Variants in ANKS1B observed in about 807,000 individuals in gnomAD.
The protein encoded by ANKS1B is ankyrin repeat and sterile alpha motif domain-containing protein 1B.
In ANKS1B, 36 loss-of-function variants were observed where a neutral mutation model predicts 148.3. The ratio of observed to expected loss-of-function variants is 0.24; its 90% CI spans 0.19 to 0.32. The LOEUF is 0.32. Ranked by LOEUF, ANKS1B falls within the 10% of genes least tolerant of loss-of-function variation. ANKS1B has a pLI of 1.00. For synonymous variants in ANKS1B, 542 were observed against 560.8 expected, an observed-to-expected ratio of 0.97 and a Z score of 0.47; for missense variants, 1,157 against 1,542.6, an observed-to-expected ratio of 0.75 and a Z score of 4.19.
intron 12 of ANKS1B, among the ~76,000 whole-genome samples, chr12:99,281,927 A>G (rs1037945746): frequency 5.3e-5 from 8 of 152,236 alleles, no homozygotes; most frequent in African/African-American, 1.9e-4. Flanking sequence ...AGTCTAATAC[A>G]TAACAGCCAC....
chr12:99,649,138 G>A (rs1045557898), intron 9 of ANKS1B: 10 of 678,634 alleles, frequency 1.5e-5, no homozygotes, highest in Admixed American at 7.2e-5. Flanking sequence ...GTTGTAGGAC[G>A]TGTCTCCCTG....
chr12:99,305,700 A>G (rs943011997), intron 12 of ANKS1B, among the ~76,000 whole-genome samples: 1 of 152,142 alleles, frequency 6.6e-6, no homozygotes, highest in Middle Eastern at 3.2e-3. Flanking sequence ...TATACATAGC[A>G]ATGGTCAAGA....
At chr12:99,920,680 T>C (rs892802675) in intron 1 of ANKS1B, among the ~76,000 whole-genome samples, 31 of 152,026 alleles carry the variant, frequency 2.0e-4, no homozygotes, top group African/African-American at 7.5e-4. Context: ...GCCTGAGAAC[T>C]AGGGAGGCTG....
At chr12:99,134,645 T>TCA (rs4016023) in intron 15 of ANKS1B, among the ~76,000 whole-genome samples, 2,047 of 104,908 alleles carry the variant, frequency 0.02, 38 homozygotes, top group Non-Finnish European at 0.031. Flanking sequence ...TCTCTCTCTC[T>TCA]CACACACACA....
At chr12:99,783,783 T>C (rs2064650173) in intron 4 of ANKS1B, among the ~76,000 whole-genome samples, 1 of 152,036 alleles carries the variant, frequency 6.6e-6, no homozygotes, top group Non-Finnish European at 1.5e-5. Context: ...AAATTACAGC[T>C]ATATAGGAGG....
intron 9 of ANKS1B, among the ~76,000 whole-genome samples, chr12:99,639,712 A>G (rs1348394731): frequency 6.6e-6 from 1 of 152,176 alleles, no homozygotes; most frequent in African/African-American, 2.4e-5. Flanking sequence ...CTGCCGCCAT[A>G]TGAAGGATGT....
At chr12:99,356,376 G>A (rs139850858) in intron 12 of ANKS1B, among the ~76,000 whole-genome samples, 88 of 152,208 alleles carry the variant, frequency 5.8e-4, no homozygotes, top group Non-Finnish European at 9.0e-4. Flanking sequence ...CTATGAAATT[G>A]TCCAAAGTGG....
rs78403693 is a variant in ANKS1B, at chr12:99,608,432, A to G, written c.1272+46635T>C. Among the ~76,000 whole-genome samples the G allele has an allele frequency of 2.9e-3, 445 of 152,230 alleles. 6 individuals carry two copies. The highest frequency in any genetic ancestry group is 0.01 in the African/African-American group (425 of 41,550). On this transcript the variant is annotated intron_variant, in intron 9 of 26. Transcript: ENST00000683438. The stretch of plus-strand genomic sequence containing the variant: ...AAAGAGGATGGAAACAAGATATAAT[A>G]CCTGTGAATTTGGAAAACTGGAGTT...
intron 14 of ANKS1B, among the ~76,000 whole-genome samples, chr12:99,223,968 TTAGTGG>T (rs2153941374): frequency 6.6e-6 from 1 of 152,330 alleles, no homozygotes; most frequent in African/African-American, 2.4e-5. Flanking sequence ...CCTGTTTTTA[TTAGTGG>T]GGAAAACTCT....
chr12:99,106,332 A>G (rs1420173472), intron 15 of ANKS1B, among the ~76,000 whole-genome samples: 1 of 152,256 alleles, frequency 6.6e-6, no homozygotes, highest in Non-Finnish European at 1.5e-5. Flanking sequence ...AAGTTCTCAT[A>G]GCTGAGATGC....
At chr12:99,202,210 T>C (rs188183735) in intron 14 of ANKS1B, among the ~76,000 whole-genome samples, 62 of 152,336 alleles carry the variant, frequency 4.1e-4, no homozygotes, top group Admixed American at 1.1e-3. Flanking sequence ...TTGTAATCAA[T>C]AGGACTATTA....
intron 17 of ANKS1B, among the ~76,000 whole-genome samples, chr12:98,925,977 T>G (rs1028459837): frequency 6.6e-6 from 1 of 152,102 alleles, no homozygotes; most frequent in Non-Finnish European, 1.5e-5. Flanking sequence ...CAGGAAAGAC[T>G]GGATAATGAG....
intron 1 of ANKS1B, among the ~76,000 whole-genome samples, chr12:99,855,600 C>A (rs1385552833): frequency 6.6e-6 from 1 of 152,088 alleles, no homozygotes; most frequent in East Asian, 1.9e-4. Flanking sequence ...GCAACAACTG[C>A]AAAATATACA....
chr12:99,959,050 C>A (rs1603502301), intron 1 of ANKS1B, among the ~76,000 whole-genome samples: 2 of 136,086 alleles, frequency 1.5e-5, no homozygotes, highest in Non-Finnish European at 3.1e-5. Context: ...AACCAAAGAA[C>A]ATGCTTTTTT....
At chr12:99,371,024 GT>G (rs960186199) in intron 12 of ANKS1B, among the ~76,000 whole-genome samples, 5 of 150,400 alleles carry the variant, frequency 3.3e-5, no homozygotes, top group Admixed American at 2.0e-4. Flanking sequence ...TTTCTGTTTT[GT>G]TTTTTTTTCT....
chr12:98,932,015 G>A (rs1597149303), intron 17 of ANKS1B, among the ~76,000 whole-genome samples: 1 of 152,204 alleles, frequency 6.6e-6, no homozygotes, highest in East Asian at 1.9e-4. Flanking sequence ...GTCCCATGGT[G>A]GAAGAAACCT....
intron 1 of ANKS1B, among the ~76,000 whole-genome samples, chr12:99,830,163 A>G (rs1326141858): frequency 1.3e-5 from 2 of 152,202 alleles, no homozygotes; most frequent in Non-Finnish European, 2.9e-5. Context: ...CAAGTCCAAG[A>G]ATCAAACAAA....
intron 12 of ANKS1B, among the ~76,000 whole-genome samples, chr12:99,373,568 A>G (rs1007443351): frequency 1.1e-4 from 17 of 151,948 alleles, no homozygotes; most frequent in African/African-American, 3.9e-4. Flanking sequence ...AAAGGCTGAA[A>G]TTTTTTCCAG....
intron 17 of ANKS1B, among the ~76,000 whole-genome samples, chr12:98,854,739 G>T (rs982678399): frequency 6.6e-6 from 1 of 152,200 alleles, no homozygotes; most frequent in African/African-American, 2.4e-5. Context: ...AAGAGATGGG[G>T]TGTATTTTCC....
Sources: gnomAD v4.1 joint callset for allele counts (sites outside exome capture counted in the v4.1 genomes callset) on GRCh38, gnomAD v4.1.1 for gene constraint, MANE v1.5 for transcripts, NCBI Gene and HGNC (gene_info 2026-07-23, HGNC 2026-07-21) for gene names.